Variants in MACROD2 observed in about 807,000 individuals in gnomAD.
MACROD2 encodes the protein mono-ADP ribosylhydrolase 2, also known as ADP-ribose glycohydrolase MACROD2.
In MACROD2, 36 loss-of-function variants were observed where a neutral mutation model predicts 70.4. The observed-to-expected ratio is 0.51, with a 90% confidence interval of 0.39 to 0.68. The LOEUF (loss-of-function observed/expected upper bound fraction) is 0.68. Ranked by LOEUF, MACROD2 falls within the 30% of genes least tolerant of loss-of-function variation. MACROD2 has a pLI of 0.00. For synonymous variants in MACROD2, 172 were observed against 178.8 expected (o/e 0.96, Z 0.30); for missense variants, 496 against 538.4 (o/e 0.92, Z 0.78).
chr20:15,044,543 T>C (rs759063328), intron 5 of MACROD2, among the ~76,000 whole-genome samples: 1 of 152,136 alleles, frequency 6.6e-6, no homozygotes, highest in Non-Finnish European at 1.5e-5. Flanking sequence ...GTATGGACTG[T>C]CTCAATGGAC....
intron 12 of MACROD2, among the ~76,000 whole-genome samples, chr20:15,939,982 G>C (rs1238283824): frequency 1.3e-5 from 2 of 152,168 alleles, no homozygotes; most frequent in Admixed American, 6.5e-5. Context: ...GTAATCTCAT[G>C]AGGAACTTGA....
intron 3 of MACROD2, among the ~76,000 whole-genome samples, chr20:14,213,975 A>C (rs2081592625): frequency 6.6e-6 from 1 of 152,154 alleles, no homozygotes; most frequent in African/African-American, 2.4e-5. Context: ...ATTGTGCCTC[A>C]TACTAATTGC....
At chr20:14,809,134 C>A (rs2072676850) in intron 5 of MACROD2, among the ~76,000 whole-genome samples, 1 of 152,098 alleles carries the variant, frequency 6.6e-6, no homozygotes, top group Non-Finnish European at 1.5e-5. Context: ...AATATACATT[C>A]TTCTCAGTAC....
chr20:14,890,902 A>G (rs1600775462), intron 5 of MACROD2, among the ~76,000 whole-genome samples: 1 of 152,174 alleles, frequency 6.6e-6, no homozygotes, highest in Non-Finnish European at 1.5e-5. Context: ...TTTGAATGTC[A>G]TGATGGAAAT....
At chr20:14,373,013 A>T (rs1055490716) in intron 3 of MACROD2, among the ~76,000 whole-genome samples, 1 of 152,172 alleles carries the variant, frequency 6.6e-6, no homozygotes, top group African/African-American at 2.4e-5. Flanking sequence ...TAAGTCTTCA[A>T]ATATTTTGCC....
intron 8 of MACROD2, among the ~76,000 whole-genome samples, chr20:15,707,325 G>A (rs1246238893): frequency 6.6e-6 from 1 of 152,188 alleles, no homozygotes; most frequent in African/African-American, 2.4e-5. Context: ...TGTACCAGGT[G>A]ACTGTAAATC....
At chr20:14,154,259 C>G (rs2055062414) in intron 3 of MACROD2, among the ~76,000 whole-genome samples, 1 of 152,064 alleles carries the variant, frequency 6.6e-6, no homozygotes, top group Non-Finnish European at 1.5e-5. Flanking sequence ...GTGTACTGGG[C>G]AGCTTTTGTT....
intron 5 of MACROD2, among the ~76,000 whole-genome samples, chr20:14,918,496 T>C (rs1209009125): frequency 6.6e-6 from 1 of 152,172 alleles, no homozygotes; most frequent in Non-Finnish European, 1.5e-5. Flanking sequence ...TATGCCATGG[T>C]TTGCATGTAG....
intron 3 of MACROD2, among the ~76,000 whole-genome samples, chr20:14,436,164 C>T (rs1319792751): frequency 6.6e-6 from 1 of 151,608 alleles, no homozygotes; most frequent in Non-Finnish European, 1.5e-5. Context: ...AAAAAAAGTG[C>T]CAAAAGTCTT....
At chr20:15,829,648 T>A (rs747329785) in intron 8 of MACROD2, among the ~76,000 whole-genome samples, 16 of 152,168 alleles carry the variant, frequency 1.1e-4, no homozygotes, top group Non-Finnish European at 4.4e-5. Context: ...ATAAACTTAT[T>A]CATTCATTCA....
intron 3 of MACROD2, among the ~76,000 whole-genome samples, chr20:14,436,767 A>C (rs2084060823): frequency 6.6e-6 from 1 of 152,206 alleles, no homozygotes; most frequent in Non-Finnish European, 1.5e-5. Flanking sequence ...CTTCTTTGCC[A>C]ATTTAACTCA....
intron 7 of MACROD2, among the ~76,000 whole-genome samples, chr20:15,491,984 A>T (rs943111315): frequency 6.6e-6 from 1 of 152,350 alleles, no homozygotes; most frequent in South Asian, 2.1e-4. Context: ...TCTCTTAACG[A>T]CAGACTGTGG....
chr20:15,227,086 T>TTA (rs1247240657), intron 5 of MACROD2, among the ~76,000 whole-genome samples: 1 of 152,170 alleles, frequency 6.6e-6, no homozygotes, highest in Non-Finnish European at 1.5e-5. Flanking sequence ...GATAATAACA[T>TTA]TCGATCTTGG....
chr20:14,309,126 A>G (rs2082544670), intron 3 of MACROD2, among the ~76,000 whole-genome samples: 1 of 152,116 alleles, frequency 6.6e-6, no homozygotes, highest in African/African-American at 2.4e-5. Context: ...ACATTTGGAA[A>G]TGGCACGTGG....
chr20:14,059,197 T>C (rs2053665018), intron 2 of MACROD2, among the ~76,000 whole-genome samples: 1 of 152,248 alleles, frequency 6.6e-6, no homozygotes, highest in Non-Finnish European at 1.5e-5. Context: ...CACCTCTGTC[T>C]TTTTAATGAT....
chr20:14,135,392 T>TA (rs11449288), intron 3 of MACROD2, among the ~76,000 whole-genome samples: 5,877 of 152,290 alleles, frequency 0.039, 202 homozygotes, highest in East Asian at 0.19. Context: ...GGCTTAAAAT[T>TA]AAAAACCAGC....
chr20:14,346,980 G>C (rs952917821), intron 3 of MACROD2, among the ~76,000 whole-genome samples: 5 of 152,184 alleles, frequency 3.3e-5, no homozygotes, highest in African/African-American at 1.2e-4. Context: ...TCATGACATA[G>C]ATATATAGGT....
chr20:14,089,678 C>A (rs918698997), intron 3 of MACROD2, among the ~76,000 whole-genome samples: 6 of 152,128 alleles, frequency 3.9e-5, no homozygotes, highest in Non-Finnish European at 8.8e-5. Flanking sequence ...TTATAGTACA[C>A]AGGGCAGTAG....
At chr20:14,107,356 A>G (rs1444162580) in intron 3 of MACROD2, among the ~76,000 whole-genome samples, 1 of 152,166 alleles carries the variant, frequency 6.6e-6, no homozygotes, top group East Asian at 1.9e-4. Context: ...GTCAGAAGAA[A>G]CAAAAGAAAA....
Sources: allele counts gnomAD v4.1 joint callset (sites outside exome capture counted in the v4.1 genomes callset), GRCh38; gene constraint gnomAD v4.1.1; transcripts MANE v1.5; gene names NCBI Gene and HGNC (gene_info 2026-07-23, HGNC 2026-07-21).